The following LCMT1 variants were observed in gnomAD, a reference collection of about 807,000 sequenced individuals.
LCMT1 encodes the protein [Phosphatase 2A protein]-leucine-carboxy methyltransferase 1.
A neutral mutation model predicts 47.7 loss-of-function variants in LCMT1; 32 were observed. That is an observed-to-expected ratio of 0.67 (90% confidence interval 0.51 to 0.90). The LOEUF (loss-of-function observed/expected upper bound fraction) is 0.90, where lower values mean the gene tolerates loss of function less well. LCMT1 is among the 40% of genes least tolerant of loss of function. The pLI is 0.00. For synonymous variants in LCMT1, 152 were observed against 149.7 expected (o/e 1.02, Z -0.11); for missense variants, 375 against 415.2 (o/e 0.90, Z 0.84).
At chr16:25,142,143 C>T (rs1597580624) in intron 4 of LCMT1, 1 of 152,360 alleles carries the variant, frequency 6.6e-6, no homozygotes, top group Middle Eastern at 3.4e-3. Flanking sequence ...CACAAAGGAA[C>T]AGAATACCCC....
Position 25,170,783 on chromosome 16 carries a change from T to C in LCMT1, c.862T>C (p.Leu288=). 1 of 1,612,278 alleles carries C rather than the reference T, an allele frequency of 6.2e-7. No homozygotes were observed. Among genetic ancestry groups the C allele is most frequent in the Non-Finnish European group, 8.5e-7 (1 of 1,178,734 alleles). Residue 288 remains leucine, a synonymous_variant, in exon 9 of 11, where the codon TTA becomes CTA. Transcript: ENST00000399069. ...AVDMMELYNR[L]PRAEVSRIES... is the part of the protein sequence containing the mutation. ...CGACATGATGGAGTTGTACAACAGGTTACCTCGAGCTGAAGTGAGCAGGTA... is the reference window on the plus strand; with the variant it reads ...CGACATGATGGAGTTGTACAACAGGCTACCTCGAGCTGAAGTGAGCAGGTA...
intron 1 of LCMT1, among the ~76,000 whole-genome samples, chr16:25,117,851 CAA>C (rs796928842): frequency 1.3e-4 from 14 of 111,580 alleles, no homozygotes; most frequent in Non-Finnish European, 1.1e-4. Flanking sequence ...GACTCCGTCT[CAA>C]AAAAAAAAAA....
chr16:25,120,431 CTTT>C (rs1165987549), intron 1 of LCMT1, among the ~76,000 whole-genome samples: 2 of 134,598 alleles, frequency 1.5e-5, no homozygotes, highest in African/African-American at 5.5e-5. Flanking sequence ...TTTTCTTTTT[CTTT>C]TTTTTTTTGA....
chr16:25,155,676 C>CTTT (rs35255738), intron 5 of LCMT1, among the ~76,000 whole-genome samples: 177 of 140,496 alleles, frequency 1.3e-3, no homozygotes, highest in African/African-American at 4.2e-3. Context: ...TTCTTTCTTT[C>CTTT]TTTTTTTTTT....
At chr16:25,126,237 A>T in intron 1 of LCMT1, 4 of 1,127,584 alleles carry the variant, frequency 3.5e-6, no homozygotes, top group Non-Finnish European at 4.6e-6. Flanking sequence ...CACCACTGTG[A>T]CCACGGACAG....
At chr16:25,156,534 A>G (rs1016102743) in intron 5 of LCMT1, among the ~76,000 whole-genome samples, 1 of 152,230 alleles carries the variant, frequency 6.6e-6, no homozygotes, top group Non-Finnish European at 1.5e-5. Context: ...GGCCGTGAGG[A>G]GGAGACCCTA....
chr16:25,164,672 G>A lies in LCMT1; in HGVS notation c.644G>A (p.Trp215Ter), dbSNP rs1365525756. 1 of 1,613,964 alleles carries A rather than the reference G, an allele frequency of 6.2e-7. No individual in the cohort carries two copies. The highest frequency in any genetic ancestry group is 1.7e-5 in the Admixed American group (1 of 60,018). The change falls in exon 7 of 11, where the codon TGG becomes TAG. Residue 215 changes from tryptophan to a stop codon, truncating the protein, a stop_gained. Coordinates refer to ENST00000399069, the MANE Select transcript of LCMT1 (RefSeq NM_016309.3). LOFTEE classifies it high-confidence loss of function. ...TPEQSANLLK[W>*]AANSFERAMF... Reference sequence around the variant, plus strand: ...GAGCAGTCCGCAAACCTCCTGAAGTGGGCAGCCAACAGTTTTGAGAGAGCC... The same window carrying A: ...GAGCAGTCCGCAAACCTCCTGAAGTAGGCAGCCAACAGTTTTGAGAGAGCC...
rs1241346486 is a variant in LCMT1 at position 25,144,772 on chromosome 16, A to G, written c.404+4525A>G. ...TGGCTGCCACTGCCCTCCAGCAGCC[A>G]GGCCGCTTCTGTGCAACTGGATTTG... On this transcript the variant is annotated intron_variant, in intron 4 of 10. Transcript: ENST00000399069. 3 of 152,156 alleles carry G rather than the reference A, an allele frequency of 2.0e-5. No individual in the cohort carries two copies. In the South Asian group the frequency reaches 6.2e-4, roughly 32 times the overall value. The allele number at this position is 152,156 out of a possible 1,614,324, so 9.4% of individuals were successfully genotyped here. A position where few individuals can be genotyped will look rare whatever the true frequency, so the allele number is the denominator to read the frequency against.
intron 1 of LCMT1, among the ~76,000 whole-genome samples, chr16:25,121,238 C>T (rs1184876354): frequency 3.3e-5 from 5 of 151,584 alleles, no homozygotes; most frequent in African/African-American, 4.8e-5. Context: ...GGTGAAACCC[C>T]GTCTCTACTA....
intron 1 of LCMT1, among the ~76,000 whole-genome samples, chr16:25,121,379 C>T (rs1959982130): frequency 1.3e-5 from 2 of 152,056 alleles, no homozygotes; most frequent in Non-Finnish European, 1.5e-5. Context: ...CACTGCACTC[C>T]AGCCTGGTGA....
chr16:25,150,305 A>G (rs527496469), intron 4 of LCMT1, among the ~76,000 whole-genome samples: 1 of 151,060 alleles, frequency 6.6e-6, no homozygotes, highest in Non-Finnish European at 1.5e-5. Flanking sequence ...CTTCAAGCTC[A>G]AGATCAAGGC....
chr16:25,121,429 T>A (rs958266038), intron 1 of LCMT1, among the ~76,000 whole-genome samples: 4 of 152,152 alleles, frequency 2.6e-5, no homozygotes, highest in Admixed American at 2.6e-4. Context: ...GAAAAAGATA[T>A]CAATTTCAAA....
chr16:25,143,709 G>A (rs1460999545), intron 4 of LCMT1: 1 of 152,200 alleles, frequency 6.6e-6, no homozygotes, highest in Non-Finnish European at 1.5e-5. Flanking sequence ...GATGGGTGTG[G>A]GGATTATTTC....
intron 1 of LCMT1, among the ~76,000 whole-genome samples, chr16:25,123,166 T>G (rs2141633212): frequency 6.6e-6 from 1 of 152,264 alleles, no homozygotes; most frequent in Admixed American, 6.5e-5. Context: ...ATACCAACTA[T>G]TTAATGGTCT....
At chr16:25,132,861 T>C (rs1420144443) in intron 3 of LCMT1, among the ~76,000 whole-genome samples, 1 of 90,108 alleles carries the variant, frequency 1.1e-5, no homozygotes, top group Non-Finnish European at 2.4e-5. Flanking sequence ...TTTGTAACTT[T>C]TTTTTTTTTT....
intron 8 of LCMT1, among the ~76,000 whole-genome samples, chr16:25,170,209 G>A (rs776694417): frequency 1.3e-5 from 2 of 151,862 alleles, no homozygotes; most frequent in African/African-American, 2.4e-5. Context: ...AACAGAGTGA[G>A]CCTCCGTCTC....
intron 5 of LCMT1, among the ~76,000 whole-genome samples, chr16:25,158,627 C>T (rs1185315231): frequency 1.3e-5 from 2 of 152,210 alleles, no homozygotes; most frequent in South Asian, 2.1e-4. Context: ...TGGCCTCTTG[C>T]CAGTGCTAGA....
intron 2 of LCMT1, 60 bp downstream of exon 2, chr16:25,128,626 C>G (rs1960259489): frequency 7.6e-7 from 1 of 1,308,774 alleles, no homozygotes; most frequent in African/African-American, 1.5e-5. Flanking sequence ...TTTAGGGGTT[C>G]ATTCTTGAAG....
At chr16:25,121,602 C>T (rs1959989391) in intron 1 of LCMT1, among the ~76,000 whole-genome samples, 1 of 152,094 alleles carries the variant, frequency 6.6e-6, no homozygotes. Flanking sequence ...GTTCCCATTG[C>T]TGGAGAGGCC....
Sources: gnomAD v4.1 joint callset for allele counts (sites outside exome capture counted in the v4.1 genomes callset) on GRCh38, gnomAD v4.1.1 for gene constraint, MANE v1.5 for transcripts, NCBI Gene and HGNC (gene_info 2026-07-23, HGNC 2026-07-21) for gene names.